The following PRTG variants were observed in gnomAD, a reference collection of about 807,000 sequenced individuals.
PRTG encodes protogenin, also known as immunoglobulin superfamily, DCC subclass, member 5.
PRTG carries 67 observed loss-of-function variants against 122.5 expected under a neutral mutation model. That is an observed-to-expected ratio of 0.55 (90% CI 0.45 to 0.67). The LOEUF is 0.67. PRTG is among the 30% of genes least tolerant of loss of function. PRTG has a pLI of 0.00. For synonymous variants in PRTG, 554 were observed against 501.1 expected (o/e 1.11, Z -1.41); for missense variants, 1,435 against 1,415.4 (o/e 1.01, Z -0.22).
chr15:55,667,798 G>C (rs936981824), intron 11 of PRTG, among the ~76,000 whole-genome samples: 4 of 152,166 alleles, frequency 2.6e-5, no homozygotes, highest in Non-Finnish European at 5.9e-5. Context: ...TGGACAGAAT[G>C]AATCAGGCTG....
In PRTG at chr15:55,616,263, A is replaced by T. The variant is rs946874011; in HGVS notation, c.*3749T>A. ...AAACATTTCAATTTAACAACTCTAAATTCCAATCTCACACCTTTAAAGAGC... is the reference window on the plus strand; with the variant it reads ...AAACATTTCAATTTAACAACTCTAATTTCCAATCTCACACCTTTAAAGAGC... On this transcript the variant is annotated 3_prime_UTR_variant, in exon 20 of 20. Transcript: ENST00000389286. The T allele has an allele frequency of 6.6e-6, 1 of 152,110 alleles. No individual in the cohort carries two copies. Among genetic ancestry groups the T allele is most frequent in the African/African-American group, 2.4e-5 (1 of 41,420 alleles). The allele number at this position is 152,110 out of a possible 1,614,324, so 9.4% of individuals were successfully genotyped here.
At chr15:55,709,075 G>T (rs957442128) in intron 2 of PRTG, among the ~76,000 whole-genome samples, 3 of 145,998 alleles carry the variant, frequency 2.1e-5, no homozygotes, top group African/African-American at 7.6e-5. Context: ...GAACCCAGGA[G>T]GCGGAGGTTG....
chr15:55,630,442 G>A (rs2059221586), intron 15 of PRTG, among the ~76,000 whole-genome samples: 1 of 152,138 alleles, frequency 6.6e-6, no homozygotes, highest in Non-Finnish European at 1.5e-5. Context: ...TATTGTCACA[G>A]ATTCAAGATA....
chr15:55,645,030 T>C (rs1395002202), intron 11 of PRTG, among the ~76,000 whole-genome samples: 1 of 152,182 alleles, frequency 6.6e-6, no homozygotes, highest in Admixed American at 6.5e-5. Flanking sequence ...GCCTTTGATC[T>C]CAAAATCTAG....
intron 2 of PRTG, among the ~76,000 whole-genome samples, chr15:55,690,908 T>C (rs1014980302): frequency 1.3e-5 from 2 of 152,190 alleles, no homozygotes; most frequent in Admixed American, 6.5e-5. Flanking sequence ...TGCCCAAAGT[T>C]TGCAGCTAGT....
chr15:55,696,906 A>G (rs1449521501), intron 2 of PRTG, among the ~76,000 whole-genome samples: 12 of 152,254 alleles, frequency 7.9e-5, no homozygotes, highest in Admixed American at 7.8e-4. Context: ...AACAAAGGCT[A>G]GAGACTTTGT....
chr15:55,737,956 G>C (rs2031464685), intron 2 of PRTG, among the ~76,000 whole-genome samples: 1 of 144,074 alleles, frequency 6.9e-6, no homozygotes, highest in Non-Finnish European at 1.5e-5. Context: ...AAGAAAACCA[G>C]AATGTCCACT....
At chr15:55,680,028 CT>C (rs2059528156) in intron 6 of PRTG, 25 bp downstream of exon 6, 3 of 1,589,486 alleles carry the variant, frequency 1.9e-6, no homozygotes, top group Admixed American at 1.7e-5. Flanking sequence ...TAAGATTCCC[CT>C]GATTGCAGAA....
intron 11 of PRTG, among the ~76,000 whole-genome samples, chr15:55,643,078 T>C (rs991122129): frequency 1.3e-5 from 2 of 151,512 alleles, no homozygotes; most frequent in African/African-American, 4.9e-5. Context: ...ATCTCTCAAA[T>C]AAACTAACTA....
chr15:55,723,854 C>T (rs573046629), intron 2 of PRTG, among the ~76,000 whole-genome samples: 2 of 149,076 alleles, frequency 1.3e-5, no homozygotes, highest in African/African-American at 4.9e-5. Flanking sequence ...CAGGTTCAAG[C>T]GATTCTCCTG....
At chr15:55,636,704 A>G (rs1016342096) in intron 15 of PRTG, among the ~76,000 whole-genome samples, 1 of 150,150 alleles carries the variant, frequency 6.7e-6, no homozygotes, top group African/African-American at 2.5e-5. Context: ...CTGGAGTGCA[A>G]TGGTGCAATC....
chr15:55,663,705 C>T (rs2059422402), intron 11 of PRTG, among the ~76,000 whole-genome samples: 1 of 152,018 alleles, frequency 6.6e-6, no homozygotes, highest in African/African-American at 2.4e-5. Context: ...CCACGTCTGG[C>T]TAATTTTTGT....
intron 2 of PRTG, among the ~76,000 whole-genome samples, chr15:55,713,904 T>C (rs1227013793): frequency 6.7e-6 from 1 of 149,562 alleles, no homozygotes; most frequent in Non-Finnish European, 1.5e-5. Flanking sequence ...TTTAAAAATT[T>C]GTTTTAACTT....
At chr15:55,690,527 C>T (rs2059594832) in intron 2 of PRTG, among the ~76,000 whole-genome samples, 4 of 152,132 alleles carry the variant, frequency 2.6e-5, no homozygotes, top group African/African-American at 9.7e-5. Flanking sequence ...ATTCAAAAAT[C>T]CAAAATGCTC....
rs1351064104 is a variant in PRTG, at chr15:55,612,699, T to C, written c.*7313A>G. 3.1e-4 allele frequency: 1 copy of C among 3,234 alleles called. No individual in the cohort carries two copies. Among genetic ancestry groups the C allele is most frequent in the African/African-American group, 4.1e-4 (1 of 2,464 alleles). 0.2% of individuals were successfully genotyped at this position (3,234 alleles called of 1,614,324 possible). ...CTCTCTTTAACTCTTTAAAAGCCAA[T>C]ATATATATATATATATATATATATA... is the stretch of plus-strand genomic sequence containing the variant. On this transcript the variant is annotated 3_prime_UTR_variant, in exon 20 of 20. Coordinates refer to ENST00000389286, the MANE Select transcript of PRTG (RefSeq NM_173814.6).
intron 11 of PRTG, among the ~76,000 whole-genome samples, chr15:55,670,109 C>T (rs780765141): frequency 2.0e-5 from 3 of 152,010 alleles, no homozygotes; most frequent in Admixed American, 6.6e-5. Flanking sequence ...AATGGGTCTT[C>T]CTCTTTATAA....
chr15:55,743,043 CGCTCCG>C lies in PRTG; in HGVS notation c.-118_-113del. ...GCTGGTCGCACGCAGCCTGGCTCCC[CGCTCCG>C]GCTCCGGCACCGGCGTGGCGAGCGT... On this transcript the variant is annotated 5_prime_UTR_variant, in exon 1 of 20. Transcript: ENST00000389286. 6.9e-6 allele frequency: 9 copies of C among 1,310,156 alleles called. No individual in the cohort carries two copies. Among genetic ancestry groups the C allele is most frequent in the Non-Finnish European group, 8.7e-6 (9 of 1,033,790 alleles). 81.2% of individuals were successfully genotyped at this position (1,310,156 alleles called of 1,614,324 possible).
At chr15:55,636,630 T>C (rs1372652009) in intron 15 of PRTG, among the ~76,000 whole-genome samples, 1 of 152,034 alleles carries the variant, frequency 6.6e-6, no homozygotes, top group Admixed American at 6.6e-5. Context: ...TAATCTCCAG[T>C]TGGCCTCAAC....
At position 55,683,897 on chromosome 15, in the gene PRTG, A is replaced by G; in HGVS notation, c.432T>C (p.Thr144=). ...ISAFEVQPIS[T]EVHEGGVARF... ...GAGCAACTCCACCTTCGTGGACCTC[A>G]GTGGAAATTGGCTGGACTTCAAATG... is the stretch of plus-strand genomic sequence containing the variant. Residue 144 remains threonine, a synonymous_variant, in exon 3 of 20, where the codon ACT becomes ACC. Coordinates refer to ENST00000389286, the MANE Select transcript of PRTG (RefSeq NM_173814.6). The G allele has an allele frequency of 6.2e-7, 1 of 1,613,742 alleles. No individual in the cohort carries two copies. Among genetic ancestry groups the G allele is most frequent in the Non-Finnish European group, 8.5e-7 (1 of 1,179,712 alleles).
Sources: allele counts gnomAD v4.1 joint callset (sites outside exome capture counted in the v4.1 genomes callset), GRCh38; gene constraint gnomAD v4.1.1; transcripts MANE v1.5; gene names NCBI Gene and HGNC (gene_info 2026-07-23, HGNC 2026-07-21).